The following SH3GL2 variants were observed in gnomAD, a reference collection of about 807,000 sequenced individuals.
The protein encoded by SH3GL2 is endophilin-A1.
Under a neutral mutation model 46.0 loss-of-function variants are expected in SH3GL2, and 24 were observed. That is an observed-to-expected ratio of 0.52 (90% CI 0.38 to 0.73). SH3GL2 has a LOEUF of 0.73. Among genes scored for constraint, SH3GL2 ranks in the 30% least tolerant of loss-of-function variants. The pLI is 0.00. For missense variants in SH3GL2, 413 were observed against 424.2 expected (o/e 0.97, Z 0.23); for synonymous variants, 196 against 147.1 (o/e 1.33, Z -2.40).
intron 3 of SH3GL2, among the ~76,000 whole-genome samples, chr9:17,764,000 G>A (rs953486885): frequency 4.6e-5 from 7 of 152,096 alleles, no homozygotes; most frequent in Non-Finnish European, 8.8e-5. Flanking sequence ...CAAAGGAGGA[G>A]GTAATTGAGA....
intron 4 of SH3GL2, 82 bp downstream of exon 4, chr9:17,786,606 G>T: frequency 7.1e-7 from 1 of 1,417,878 alleles, no homozygotes; most frequent in African/African-American, 1.4e-5. Flanking sequence ...GTAGGGAATC[G>T]GTCAAATCAT....
intron 1 of SH3GL2, among the ~76,000 whole-genome samples, chr9:17,632,108 AATT>A (rs1819440496): frequency 6.6e-6 from 1 of 152,140 alleles, no homozygotes; most frequent in South Asian, 2.1e-4. Flanking sequence ...AAAAATCAAT[AATT>A]AGTGTTAGTG....
chr9:17,604,556 C>T (rs1818730416), intron 1 of SH3GL2, among the ~76,000 whole-genome samples: 2 of 152,172 alleles, frequency 1.3e-5, no homozygotes, highest in African/African-American at 4.8e-5. Flanking sequence ...TGTTAGTTCT[C>T]TGTCCTTAGC....
chr9:17,692,726 A>G (rs943237943), intron 1 of SH3GL2, among the ~76,000 whole-genome samples: 1 of 152,044 alleles, frequency 6.6e-6, no homozygotes, highest in Non-Finnish European at 1.5e-5. Context: ...TATACTTTTT[A>G]TTACTGTATT....
chr9:17,592,610 G>GTAGA (rs1412396266), intron 1 of SH3GL2, among the ~76,000 whole-genome samples: 8 of 152,142 alleles, frequency 5.3e-5, no homozygotes, highest in Non-Finnish European at 8.8e-5. Flanking sequence ...ACAATACCCT[G>GTAGA]AGATTTCCTC....
intron 1 of SH3GL2, among the ~76,000 whole-genome samples, chr9:17,719,555 G>T (rs899706309): frequency 7.9e-5 from 12 of 152,088 alleles, no homozygotes; most frequent in African/African-American, 2.9e-4. Context: ...GGAGGCCAAC[G>T]TGGGAGGATA....
At chr9:17,673,669 C>T (rs1288201211) in intron 1 of SH3GL2, among the ~76,000 whole-genome samples, 1 of 152,168 alleles carries the variant, frequency 6.6e-6, no homozygotes, top group Non-Finnish European at 1.5e-5. Flanking sequence ...TTGCCATTCC[C>T]CAAACATAAC....
rs113039538 is a variant in SH3GL2 at position 17,714,234 on chromosome 9, A to G, written c.46-32832A>G. ...ATTCTATTACCTTTTTTCCTAACCT[A>G]TTAGTATCTTTGTGTTTAAAGTGTT... On this transcript the variant is annotated intron_variant, in intron 1 of 8. Transcript: ENST00000380607. 3.6e-3 allele frequency among the ~76,000 whole-genome samples: 541 copies of G among 151,596 alleles called. 6 individuals carry two copies. The highest frequency in any genetic ancestry group is 0.013 in the African/African-American group (527 of 41,456).
chr9:17,793,585 G>C (rs1563857433), intron 8 of SH3GL2, 88 bp downstream of exon 8: 1 of 1,288,380 alleles, frequency 7.8e-7, no homozygotes, highest in Non-Finnish European at 1.1e-6. Context: ...GTCCAATCTG[G>C]CTGCATAGGA....
At chr9:17,701,071 A>G (rs1156585931) in intron 1 of SH3GL2, among the ~76,000 whole-genome samples, 13 of 152,140 alleles carry the variant, frequency 8.5e-5, no homozygotes, top group Non-Finnish European at 1.8e-4. Context: ...TCATCATTCC[A>G]TAGATTCAGC....
At chr9:17,623,214 T>C (rs1263084148) in intron 1 of SH3GL2, among the ~76,000 whole-genome samples, 1 of 151,960 alleles carries the variant, frequency 6.6e-6, no homozygotes, top group African/African-American at 2.4e-5. Context: ...GGGTGAGGGA[T>C]GAGAAGTTAG....
chr9:17,704,914 C>T (rs1013554564), intron 1 of SH3GL2, among the ~76,000 whole-genome samples: 5 of 151,806 alleles, frequency 3.3e-5, no homozygotes, highest in African/African-American at 1.2e-4. Context: ...GTAATTGCAA[C>T]AAAAACAAAA....
intron 1 of SH3GL2, among the ~76,000 whole-genome samples, chr9:17,655,499 A>G (rs1200587839): frequency 6.6e-6 from 1 of 152,186 alleles, no homozygotes; most frequent in African/African-American, 2.4e-5. Context: ...GGATTGATTT[A>G]TGCACCTATA....
At chr9:17,671,817 C>A (rs1184204639) in intron 1 of SH3GL2, among the ~76,000 whole-genome samples, 1 of 152,148 alleles carries the variant, frequency 6.6e-6, no homozygotes, top group Non-Finnish European at 1.5e-5. Context: ...ATAATGACAT[C>A]TTCGTTGCCT....
intron 1 of SH3GL2, among the ~76,000 whole-genome samples, chr9:17,584,775 C>A (rs932768647): frequency 6.6e-6 from 1 of 152,094 alleles, no homozygotes; most frequent in South Asian, 2.1e-4. Flanking sequence ...GTCAACGATA[C>A]GGGCCTGTGG....
chr9:17,732,312 CAA>C (rs1396488907), intron 1 of SH3GL2, among the ~76,000 whole-genome samples: 1 of 151,994 alleles, frequency 6.6e-6, no homozygotes, highest in Non-Finnish European at 1.5e-5. Flanking sequence ...GAGGAAAAGA[CAA>C]ATGCATGGTG....
chr9:17,629,022 G>A (rs960606434), intron 1 of SH3GL2, among the ~76,000 whole-genome samples: 9 of 151,660 alleles, frequency 5.9e-5, no homozygotes, highest in Non-Finnish European at 1.2e-4. Context: ...TCAAACAGAA[G>A]GAAATTGCAT....
At chr9:17,705,433 C>T (rs1821446105) in intron 1 of SH3GL2, among the ~76,000 whole-genome samples, 2 of 151,940 alleles carry the variant, frequency 1.3e-5, no homozygotes, top group African/African-American at 4.8e-5. Context: ...CATAAAGGCA[C>T]ATGTATGCAT....
At chr9:17,641,111 C>A (rs991337702) in intron 1 of SH3GL2, among the ~76,000 whole-genome samples, 5 of 152,038 alleles carry the variant, frequency 3.3e-5, no homozygotes, top group African/African-American at 1.2e-4. Flanking sequence ...ATAAAGGAGC[C>A]TTTTTTGGGG....
Sources: allele counts gnomAD v4.1 joint callset (sites outside exome capture counted in the v4.1 genomes callset), GRCh38; gene constraint gnomAD v4.1.1; transcripts MANE v1.5; gene names NCBI Gene and HGNC (gene_info 2026-07-23, HGNC 2026-07-21).